Variants in NOX4 observed in about 807,000 individuals in gnomAD.
NOX4 encodes NADPH oxidase 4.
Under a neutral mutation model 87.6 loss-of-function variants are expected in NOX4, and 69 were observed. The observed-to-expected ratio is 0.79, with a 90% confidence interval of 0.65 to 0.96. The LOEUF (loss-of-function observed/expected upper bound fraction) is 0.96. NOX4 is among the 40% of genes least tolerant of loss of function. The pLI is 0.00. For missense variants in NOX4, 680 were observed against 681.5 expected, an observed-to-expected ratio of 1.00 and a Z score of 0.02; for synonymous variants, 275 against 238.2, an observed-to-expected ratio of 1.15 and a Z score of -1.42.
Position 89,439,558 on chromosome 11 carries a change from T to C in NOX4, c.475+1130A>G, listed in dbSNP as rs550430733. On this transcript the variant is annotated intron_variant, in intron 6 of 17. Coordinates refer to ENST00000263317, the MANE Select transcript of NOX4 (RefSeq NM_016931.5). ...AAAAATAATGCATTTGCCAGGGTAA[T>C]GTGCCTCAGTCCCATGTGCAATTCC... 2.5e-3 allele frequency among the ~76,000 whole-genome samples: 386 copies of C among 152,256 alleles called. 2 individuals carry two copies. The highest frequency in any genetic ancestry group is 4.0e-3 in the Non-Finnish European group (274 of 68,016).
intron 8 of NOX4, among the ~76,000 whole-genome samples, chr11:89,415,815 T>C (rs1942736392): frequency 6.6e-6 from 1 of 152,104 alleles, no homozygotes; most frequent in Non-Finnish European, 1.5e-5. Context: ...ACAGGTCATC[T>C]ATATCAGTGA....
At position 89,377,573 on chromosome 11, in the gene NOX4, G is replaced by T. The variant is rs536248527; in HGVS notation, c.1075-4081C>A. Among the ~76,000 whole-genome samples the T allele has an allele frequency of 1.2e-4, 18 of 152,152 alleles. No homozygotes were observed. In the South Asian group the frequency reaches 1.9e-3, roughly 16 times the overall value. On this transcript the variant is annotated intron_variant, in intron 11 of 17. Transcript: ENST00000263317. ...ATAACAGTCCCACAAAATATAAAAA[G>T]ATATTTGTAACTTGTCATATGTTTG...
chr11:89,506,272 A>AG, the NOX4 span, among the ~76,000 whole-genome samples: 1 of 137,182 alleles, frequency 7.3e-6, no homozygotes, highest in African/African-American at 2.7e-5. Context: ...AGAGAAAGAA[A>AG]GAAAAAGAAA....
chr11:89,514,900 T>C, the NOX4 span, among the ~76,000 whole-genome samples: 8 of 152,126 alleles, frequency 5.3e-5, no homozygotes, highest in Admixed American at 5.2e-4. Context: ...GTCAGCATAA[T>C]ATTTTTCAAA....
upstream of NOX4, among the ~76,000 whole-genome samples, chr11:89,496,959 AAAGT>A (rs1275261962): frequency 6.6e-6 from 1 of 152,216 alleles, no homozygotes; most frequent in Admixed American, 6.5e-5. Context: ...TACCTTGCCC[AAAGT>A]AACCATGATA....
At position 89,438,558 on chromosome 11, in the gene NOX4, TATATA is replaced by T. The variant is rs1208072134; in HGVS notation, c.475+2125_475+2129del. ...ACACACTATATATAATAATATACTA[TATATA>T]ATATAATATATACTATATATTATAT... On this transcript the variant is annotated intron_variant, in intron 6 of 17. Coordinates refer to ENST00000263317, the MANE Select transcript of NOX4 (RefSeq NM_016931.5). Among the ~76,000 whole-genome samples the T allele has an allele frequency of 4.0e-3, 364 of 90,568 alleles. 15 individuals carry two copies. Among genetic ancestry groups the T allele is most frequent in the African/African-American group, 0.016 (334 of 20,850 alleles). 59.4% of individuals were successfully genotyped at this position (90,568 alleles called of 152,430 possible). A position where few individuals can be genotyped will look rare whatever the true frequency, so the allele number is the denominator to read the frequency against.
At chr11:89,448,996 C>A (rs542475658) in intron 4 of NOX4, among the ~76,000 whole-genome samples, 9 of 152,268 alleles carry the variant, frequency 5.9e-5, no homozygotes, top group African/African-American at 2.2e-4. Context: ...AATGAAATTA[C>A]TTACTTTCAG....
chr11:89,427,379 T>C (rs528853369), intron 7 of NOX4, among the ~76,000 whole-genome samples: 1 of 152,028 alleles, frequency 6.6e-6, no homozygotes, highest in South Asian at 2.1e-4. Context: ...CAAAGAATGA[T>C]TTTGACGAGT....
At chr11:89,401,499 A>ACT (rs1326111542) in intron 9 of NOX4, among the ~76,000 whole-genome samples, 6 of 152,084 alleles carry the variant, frequency 3.9e-5, no homozygotes, top group Non-Finnish European at 8.8e-5. Context: ...CTAGCTTTTG[A>ACT]CTTCTCTTTC....
At chr11:89,554,383 T>C in the NOX4 span, among the ~76,000 whole-genome samples, 1 of 152,246 alleles carries the variant, frequency 6.6e-6, no homozygotes, top group East Asian at 1.9e-4. Context: ...GATAAACCAA[T>C]AATATTTTTT....
chr11:89,419,020 A>G (rs138403445), intron 8 of NOX4, among the ~76,000 whole-genome samples: 2,314 of 152,196 alleles, frequency 0.015, 66 homozygotes, highest in African/African-American at 0.053. Context: ...GCTAGCATTC[A>G]TGTAAATAAC....
At chr11:89,567,271 C>A in the NOX4 span, among the ~76,000 whole-genome samples, 3 of 152,282 alleles carry the variant, frequency 2.0e-5, no homozygotes, top group East Asian at 5.8e-4. Flanking sequence ...CTCTACCTAA[C>A]CATCGGAGAG....
intron 2 of NOX4, among the ~76,000 whole-genome samples, chr11:89,462,582 G>C (rs1945518848): frequency 6.6e-6 from 1 of 151,980 alleles, no homozygotes. Flanking sequence ...TATATAGATG[G>C]CATGTCAGAT....
At position 89,326,787 on chromosome 11, in the gene NOX4, C is replaced by T. The variant is rs1184449113; in HGVS notation, c.1706G>A (p.Arg569Lys). The stretch of plus-strand genomic sequence containing the variant: ...GAAAGACTCTTTATTGTATTCAAAT[C>T]TTGTCCCATATGAGTTGTTCTGGTT... ...LSNQNNSYGT[R>K]FEYNKESFS Residue 569 changes from arginine (R) to lysine (K), a missense_variant, in exon 18 of 18, where the codon AGA (arginine) becomes AAA (lysine). Arg to Lys is a conservative substitution (Grantham distance 26, BLOSUM62 2). Transcript: ENST00000263317. The T allele has an allele frequency of 1.2e-6, 2 of 1,613,404 alleles. No homozygotes were observed. Among genetic ancestry groups the T allele is most frequent in the Admixed American group, 1.7e-5 (1 of 59,974 alleles).
Position 89,451,880 on chromosome 11 carries a change from T to G in NOX4, c.169A>C (p.Ser57Arg). Residue 57 changes from serine (S) to arginine (R), a missense_variant, in exon 3 of 18, where the codon AGC (serine) becomes CGC (arginine). By Grantham distance (110) the Ser-to-Arg change is moderately radical. Transcript: ENST00000263317. ...TTAAGAACAGATGCTGAGGCTCTGC[T>G]TAGACACAATCCTAGCTGAACAAAT... The part of the protein sequence containing the change: ...HQMLGLGLCL[S>R]RASASVLNLN... 6.2e-7 allele frequency: 1 copy of G among 1,612,180 alleles called. No homozygotes were observed. Among genetic ancestry groups the G allele is most frequent in the Non-Finnish European group, 8.5e-7 (1 of 1,178,448 alleles).
At chr11:89,442,670 A>C (rs1591266982) in intron 5 of NOX4, among the ~76,000 whole-genome samples, 2 of 152,274 alleles carry the variant, frequency 1.3e-5, no homozygotes, top group Non-Finnish European at 2.9e-5. Flanking sequence ...GTTTTGGAGG[A>C]GAAGCTTTCA....
At chr11:89,442,228 C>T (rs1315927884) in intron 5 of NOX4, among the ~76,000 whole-genome samples, 4 of 151,448 alleles carry the variant, frequency 2.6e-5, no homozygotes, top group Non-Finnish European at 4.4e-5. Context: ...CGTTGAGTTG[C>T]CATTTTCATC....
chr11:89,343,114 T>C (rs770792148), intron 13 of NOX4, among the ~76,000 whole-genome samples: 19 of 152,096 alleles, frequency 1.2e-4, no homozygotes, highest in Non-Finnish European at 2.6e-4. Context: ...CTTTGGTGTT[T>C]TGAAATAACT....
At chr11:89,578,015 T>A in the NOX4 span, among the ~76,000 whole-genome samples, 1 of 152,122 alleles carries the variant, frequency 6.6e-6, no homozygotes, top group Non-Finnish European at 1.5e-5. Context: ...TTTTTAGGTA[T>A]CCAATACCGT....
Sources: gnomAD v4.1 joint callset for allele counts (sites outside exome capture counted in the v4.1 genomes callset) on GRCh38, gnomAD v4.1.1 for gene constraint, MANE v1.5 for transcripts, NCBI Gene and HGNC (gene_info 2026-07-23, HGNC 2026-07-21) for gene names.